Variants in LYPD6B observed in about 807,000 individuals in gnomAD.
LYPD6B encodes the protein LY6/PLAUR domain containing 6B.
A neutral mutation model predicts 22.8 loss-of-function variants in LYPD6B; 17 were observed. The observed-to-expected ratio is 0.75, with a 90% CI of 0.51 to 1.12. LYPD6B has a LOEUF of 1.12. Ranked by LOEUF, LYPD6B falls within the 50% of genes most tolerant of loss-of-function variation. The probability of loss-of-function intolerance (pLI) is 0.00; values close to 1 mark genes in which losing one functional copy is unlikely to be tolerated. For synonymous variants in LYPD6B, 106 were observed against 91.6 expected, an observed-to-expected ratio of 1.16 and a Z score of -0.90; for missense variants, 221 against 258.3, an observed-to-expected ratio of 0.86 and a Z score of 0.99.
intron 1 of LYPD6B, among the ~76,000 whole-genome samples, chr2:149,110,782 T>G (rs1020671103): frequency 6.6e-6 from 1 of 152,202 alleles, no homozygotes; most frequent in African/African-American, 2.4e-5. Flanking sequence ...ATCTTTCCTC[T>G]CAAAGAGTTT....
At chr2:149,132,726 C>A (rs1465377586) in intron 2 of LYPD6B, among the ~76,000 whole-genome samples, 1 of 152,204 alleles carries the variant, frequency 6.6e-6, no homozygotes, top group Non-Finnish European at 1.5e-5. Context: ...CTCTTGGTAG[C>A]TTGTTGAATG....
At chr2:149,175,889 T>G (rs1461119923) in intron 3 of LYPD6B, among the ~76,000 whole-genome samples, 1 of 152,102 alleles carries the variant, frequency 6.6e-6, no homozygotes, top group Non-Finnish European at 1.5e-5. Flanking sequence ...AGCTGACATC[T>G]CCTATGATAA....
intron 4 of LYPD6B, 92 bp downstream of exon 4, chr2:149,205,496 TC>T: frequency 1.3e-5 from 18 of 1,335,502 alleles, no homozygotes; most frequent in Non-Finnish European, 1.5e-5. Flanking sequence ...ACTTCGTCTT[TC>T]CCAGAACATT....
intron 1 of LYPD6B, among the ~76,000 whole-genome samples, chr2:149,090,819 A>G (rs1216271098): frequency 1.3e-5 from 2 of 152,294 alleles, no homozygotes; most frequent in South Asian, 2.1e-4. Context: ...CTACTAAGTG[A>G]CAGGCATTGA....
intron 1 of LYPD6B, among the ~76,000 whole-genome samples, chr2:149,048,844 A>C (rs1331706776): frequency 6.6e-6 from 1 of 152,100 alleles, no homozygotes; most frequent in African/African-American, 2.4e-5. Flanking sequence ...CTTATGCTTT[A>C]TCAAATATAA....
Position 149,098,324 on chromosome 2 carries a change from A to T in LYPD6B, c.-66-32559A>T, listed in dbSNP as rs72869205. On this transcript the variant is annotated intron_variant, in intron 1 of 6. Transcript: ENST00000409642. ...AGTTATATAGGATATGACCAAGGAG[A>T]TTTTAAAAAATGGCTTTGGGCCGAG... Among the ~76,000 whole-genome samples the T allele has an allele frequency of 4.5e-3, 678 of 152,226 alleles. 2 individuals are homozygous for T. The highest frequency in any genetic ancestry group is 7.7e-3 in the Non-Finnish European group (527 of 68,012).
intron 1 of LYPD6B, among the ~76,000 whole-genome samples, chr2:149,044,697 C>A (rs1683232081): frequency 6.6e-6 from 1 of 152,012 alleles, no homozygotes; most frequent in Non-Finnish European, 1.5e-5. Context: ...ATGGAGCAGG[C>A]AGCAATAAAT....
At chr2:149,165,720 G>A (rs1340912204) in intron 3 of LYPD6B, among the ~76,000 whole-genome samples, 2 of 152,176 alleles carry the variant, frequency 1.3e-5, no homozygotes, top group Non-Finnish European at 2.9e-5. Flanking sequence ...ATACAGCTAA[G>A]TCGTAGACCT....
At chr2:149,121,949 A>T (rs1356616466) in intron 1 of LYPD6B, among the ~76,000 whole-genome samples, 1 of 152,220 alleles carries the variant, frequency 6.6e-6, no homozygotes, top group African/African-American at 2.4e-5. Flanking sequence ...GAGCAAGGCC[A>T]ATAATGGATC....
At chr2:149,111,485 G>A (rs1174273596) in intron 1 of LYPD6B, among the ~76,000 whole-genome samples, 2 of 152,076 alleles carry the variant, frequency 1.3e-5, no homozygotes, top group South Asian at 4.2e-4. Flanking sequence ...TGGGGGTGGG[G>A]AGAGAGAGCT....
At chr2:149,060,040 G>C (rs1043268959) in intron 1 of LYPD6B, among the ~76,000 whole-genome samples, 1 of 152,032 alleles carries the variant, frequency 6.6e-6, no homozygotes, top group African/African-American at 2.4e-5. Flanking sequence ...GGAGGAGGAG[G>C]GGGCAGGAGT....
intron 1 of LYPD6B, among the ~76,000 whole-genome samples, chr2:149,048,393 A>G (rs1997050): frequency 0.93 from 142,210 of 152,258 alleles, 67,203 homozygotes; most frequent in South Asian, 1. Flanking sequence ...GATGCCTTGT[A>G]TTTAGGGTTG....
At chr2:149,054,749 T>C (rs1476048830) in intron 1 of LYPD6B, among the ~76,000 whole-genome samples, 1 of 152,100 alleles carries the variant, frequency 6.6e-6, no homozygotes, top group Non-Finnish European at 1.5e-5. Context: ...CATCGTGGCG[T>C]GCACCTGCAG....
chr2:149,125,106 A>C (rs1006856771), intron 1 of LYPD6B, among the ~76,000 whole-genome samples: 2 of 152,164 alleles, frequency 1.3e-5, no homozygotes, highest in Admixed American at 1.3e-4. Context: ...AGTCAAACAG[A>C]AACTTTTCAT....
At chr2:149,088,363 G>A (rs569779064) in intron 1 of LYPD6B, among the ~76,000 whole-genome samples, 2 of 152,254 alleles carry the variant, frequency 1.3e-5, no homozygotes, top group East Asian at 1.9e-4. Flanking sequence ...AGGCTGGCAG[G>A]GGGAGGAAAA....
chr2:149,207,116 T>C (rs555103452), intron 4 of LYPD6B, among the ~76,000 whole-genome samples: 1 of 152,296 alleles, frequency 6.6e-6, no homozygotes, highest in African/African-American at 2.4e-5. Flanking sequence ...ACTGTAAGTA[T>C]TTTTTAACTG....
chr2:149,046,280 G>T lies in LYPD6B; in HGVS notation c.-67+7479G>T, dbSNP rs530515172. 5.3e-5 allele frequency among the ~76,000 whole-genome samples: 8 copies of T among 151,758 alleles called. No individual in the cohort carries two copies. The South Asian group carries it at 1.7e-3, about 32-fold the overall frequency. ...TTCTTTTACTTTTAACCTATATTTA[G>T]GTTATAAAATAACCTGTATACTTAA... is the stretch of plus-strand genomic sequence containing the variant. On this transcript the variant is annotated intron_variant, in intron 1 of 6. Coordinates refer to ENST00000409642, the MANE Select transcript of LYPD6B (RefSeq NM_177964.5).
chr2:149,050,672 G>A (rs1015198985), intron 1 of LYPD6B, among the ~76,000 whole-genome samples: 6 of 152,168 alleles, frequency 3.9e-5, no homozygotes, highest in African/African-American at 1.4e-4. Context: ...ACTGAGAAAT[G>A]TGCATTATAC....
intron 1 of LYPD6B, among the ~76,000 whole-genome samples, chr2:149,073,974 CG>C (rs1684764898): frequency 6.6e-6 from 1 of 152,030 alleles, no homozygotes; most frequent in Admixed American, 6.6e-5. Flanking sequence ...CTCAACAGAC[CG>C]TGCTCCATTG....
Sources: gnomAD v4.1 joint callset for allele counts (sites outside exome capture counted in the v4.1 genomes callset) on GRCh38, gnomAD v4.1.1 for gene constraint, MANE v1.5 for transcripts, NCBI Gene and HGNC (gene_info 2026-07-23, HGNC 2026-07-21) for gene names.